The following GALNT14 variants were observed in gnomAD, a reference collection of about 807,000 sequenced individuals.
The protein encoded by GALNT14 is polypeptide N-acetylgalactosaminyltransferase 14, also known as UDP-GalNAc:polypeptide N-acetylgalactosaminyltransferase 14.
Under a neutral mutation model 77.5 loss-of-function variants are expected in GALNT14, and 60 were observed. The ratio of observed to expected loss-of-function variants is 0.77; its 90% confidence interval spans 0.63 to 0.96. The LOEUF (loss-of-function observed/expected upper bound fraction) is 0.96. GALNT14 is among the 40% of genes least tolerant of loss of function. The pLI, the probability that GALNT14 is intolerant of heterozygous loss-of-function variation, is 0.00. For synonymous variants in GALNT14, 280 were observed against 281.7 expected (o/e 0.99, Z 0.06); for missense variants, 710 against 731.0 (o/e 0.97, Z 0.33).
At chr2:30,919,091 GT>G (rs2148216627) in intron 13 of GALNT14, among the ~76,000 whole-genome samples, 1 of 152,258 alleles carries the variant, frequency 6.6e-6, no homozygotes, top group African/African-American at 2.4e-5. Flanking sequence ...TATATCTTAT[GT>G]TTTTCCCCTT....
At chr2:31,106,149 C>G (rs1677547586) in intron 1 of GALNT14, among the ~76,000 whole-genome samples, 1 of 152,100 alleles carries the variant, frequency 6.6e-6, no homozygotes, top group Non-Finnish European at 1.5e-5. Flanking sequence ...AGGCTATAAT[C>G]TTGGTATGAG....
chr2:31,030,712 G>C (rs1435986395), intron 1 of GALNT14, among the ~76,000 whole-genome samples: 3 of 152,134 alleles, frequency 2.0e-5, no homozygotes, highest in Non-Finnish European at 2.9e-5. Flanking sequence ...TCAGGCACAG[G>C]CTTCTCCCTG....
intron 1 of GALNT14, among the ~76,000 whole-genome samples, chr2:31,072,263 TCACACACACACACACA>T (rs544087870): frequency 5.0e-5 from 4 of 80,278 alleles, no homozygotes; most frequent in African/African-American, 2.0e-4. Flanking sequence ...TCTCTCTCTC[TCACACACACACACACA>T]CATACACACA....
intron 1 of GALNT14, among the ~76,000 whole-genome samples, chr2:31,046,522 G>T (rs180760385): frequency 2.6e-5 from 4 of 152,094 alleles, no homozygotes; most frequent in Non-Finnish European, 4.4e-5. Flanking sequence ...GCCACCGCGC[G>T]TGGCCTGGAA....
chr2:31,030,074 G>C (rs751344125), intron 1 of GALNT14, among the ~76,000 whole-genome samples: 32 of 152,218 alleles, frequency 2.1e-4, no homozygotes, highest in Non-Finnish European at 3.7e-4. Flanking sequence ...CTTCTAGACT[G>C]TGAGCAGCTG....
chr2:30,926,286 G>A (rs1665373152), intron 11 of GALNT14, among the ~76,000 whole-genome samples: 1 of 152,150 alleles, frequency 6.6e-6, no homozygotes, highest in Non-Finnish European at 1.5e-5. Flanking sequence ...ATTCAAGGAT[G>A]GGAAAGAGAA....
chr2:31,091,459 G>C (rs990107353), intron 1 of GALNT14, among the ~76,000 whole-genome samples: 1 of 152,154 alleles, frequency 6.6e-6, no homozygotes, highest in African/African-American at 2.4e-5. Context: ...AGAAAAGTTT[G>C]CCAACTCCTG....
intron 2 of GALNT14, among the ~76,000 whole-genome samples, chr2:30,992,632 C>T (rs538691246): frequency 1.3e-5 from 2 of 152,170 alleles, no homozygotes; most frequent in Non-Finnish European, 2.9e-5. Context: ...GTGGGACCTG[C>T]GGGGTTTGGG....
chr2:31,138,059 G>A lies in GALNT14; in HGVS notation c.28C>T (p.Leu10=). The A allele has an allele frequency of 6.2e-7, 1 of 1,613,816 alleles. No individual in the cohort carries two copies. Among genetic ancestry groups the A allele is most frequent in the Non-Finnish European group, 8.5e-7 (1 of 1,179,810 alleles). The change falls in exon 1 of 15, where the codon CTG becomes TTG. Residue 10 remains leucine, a synonymous_variant. Transcript: ENST00000349752. ...ATCCAGAGCACCCCGAAGACTGGCA[G>A]AACCAGCCGACGAGTCAGGCGCCGC... The part of the protein sequence containing the change: MRRLTRRLV[L]PVFGVLWITV...
chr2:31,106,356 A>G (rs986534052), intron 1 of GALNT14, among the ~76,000 whole-genome samples: 1 of 151,780 alleles, frequency 6.6e-6, no homozygotes, highest in African/African-American at 2.4e-5. Context: ...CTGGCTCTCC[A>G]CTGCCTGTCT....
At chr2:31,132,677 T>C (rs1679049257) in intron 1 of GALNT14, 1 of 470,338 alleles carries the variant, frequency 2.1e-6, no homozygotes, top group Non-Finnish European at 4.4e-6. Flanking sequence ...CTTTGTTCAA[T>C]CCTGGGTGTA....
chr2:30,958,562 G>A, intron 3 of GALNT14, 98 bp from the exon 4 acceptor site: 1 of 895,978 alleles, frequency 1.1e-6, no homozygotes, highest in Non-Finnish European at 1.8e-6. Flanking sequence ...TTTAAGGAAT[G>A]AAAAATCAGA....
At chr2:31,137,416 C>CT (rs1679272564) in intron 1 of GALNT14, among the ~76,000 whole-genome samples, 1 of 152,230 alleles carries the variant, frequency 6.6e-6, no homozygotes, top group South Asian at 2.1e-4. Context: ...TCCAATGCAG[C>CT]TGAGAGGGTC....
At chr2:31,126,006 T>A (rs1678683740) in intron 1 of GALNT14, among the ~76,000 whole-genome samples, 1 of 152,212 alleles carries the variant, frequency 6.6e-6, no homozygotes, top group African/African-American at 2.4e-5. Context: ...GACTTCCTTT[T>A]TTAAAGTTTA....
intron 1 of GALNT14, among the ~76,000 whole-genome samples, chr2:31,017,859 T>C (rs1411026514): frequency 1.3e-5 from 2 of 152,242 alleles, no homozygotes; most frequent in Non-Finnish European, 2.9e-5. Flanking sequence ...CACTGTGAAC[T>C]AACTGAACCC....
chr2:30,926,080 T>C (rs560998378), intron 11 of GALNT14, among the ~76,000 whole-genome samples: 32 of 152,282 alleles, frequency 2.1e-4, no homozygotes, highest in South Asian at 6.2e-4. Context: ...CACCTCAAGA[T>C]TGCACTATAA....
chr2:31,040,974 A>G (rs978011788), intron 1 of GALNT14, among the ~76,000 whole-genome samples: 6 of 152,326 alleles, frequency 3.9e-5, no homozygotes, highest in South Asian at 2.1e-4. Flanking sequence ...ACTTGAACAC[A>G]CAAGGGCTAA....
the GALNT14 span, among the ~76,000 whole-genome samples, chr2:30,898,141 A>C: frequency 6.6e-6 from 1 of 152,342 alleles, no homozygotes; most frequent in South Asian, 2.1e-4. Context: ...GGACCCCCAG[A>C]GAGTGAGCTC....
chr2:30,979,664 C>T (rs777979654), intron 2 of GALNT14, among the ~76,000 whole-genome samples: 4 of 152,156 alleles, frequency 2.6e-5, no homozygotes, highest in African/African-American at 4.8e-5. Context: ...TCTTGCCCCT[C>T]ACTAGGCCAG....
Sources: allele counts gnomAD v4.1 joint callset (sites outside exome capture counted in the v4.1 genomes callset), GRCh38; gene constraint gnomAD v4.1.1; transcripts MANE v1.5; gene names NCBI Gene and HGNC (gene_info 2026-07-23, HGNC 2026-07-21).